Variants in RNF38 observed in about 807,000 individuals in gnomAD.
RNF38 encodes the protein E3 ubiquitin-protein ligase RNF38.
In RNF38, 15 loss-of-function variants were observed where a neutral mutation model predicts 67.2. The observed-to-expected ratio is 0.22, with a 90% CI of 0.15 to 0.34. The LOEUF is 0.34. RNF38 is among the 10% of genes least tolerant of loss of function. The pLI, the probability that RNF38 is intolerant of heterozygous loss-of-function variation, is 1.00. For missense variants in RNF38, 524 were observed against 639.9 expected (o/e 0.82, Z 1.95); for synonymous variants, 220 against 218.8 (o/e 1.01, Z -0.05).
chr9:36,462,640 C>T (rs1839759658), intron 1 of RNF38, among the ~76,000 whole-genome samples: 1 of 151,900 alleles, frequency 6.6e-6, no homozygotes, highest in Non-Finnish European at 1.5e-5. Context: ...GCTCAAATGT[C>T]ACTGCACCAA....
At chr9:36,355,047 G>C (rs1833996316) in intron 6 of RNF38, among the ~76,000 whole-genome samples, 1 of 152,198 alleles carries the variant, frequency 6.6e-6, no homozygotes. Context: ...CTGAGAAGGA[G>C]AACATCCTGG....
intron 1 of RNF38, among the ~76,000 whole-genome samples, chr9:36,442,915 C>G (rs1470401417): frequency 6.6e-6 from 1 of 152,224 alleles, no homozygotes; most frequent in South Asian, 2.1e-4. Flanking sequence ...AAGTGGCTGG[C>G]TCCTAAGCCC....
chr9:36,461,450 G>T (rs1344442016), intron 1 of RNF38, among the ~76,000 whole-genome samples: 1 of 152,206 alleles, frequency 6.6e-6, no homozygotes, highest in Non-Finnish European at 1.5e-5. Context: ...AGTGTTCTAT[G>T]CAGAGAAAAC....
chr9:36,383,675 C>A (rs1046353125), intron 2 of RNF38, among the ~76,000 whole-genome samples: 4 of 152,120 alleles, frequency 2.6e-5, no homozygotes, highest in African/African-American at 9.7e-5. Context: ...CTAATATATT[C>A]TCCTGAAATG....
upstream of RNF38, chr9:36,400,627 G>A (rs1028320240): frequency 1.0e-6 from 1 of 985,778 alleles, no homozygotes; most frequent in Non-Finnish European, 1.2e-6. Context: ...TATTGTGACT[G>A]CTCGCCCAGC....
intron 3 of RNF38, among the ~76,000 whole-genome samples, 182 bp from the exon 4 acceptor site, chr9:36,370,114 C>A (rs548397806): frequency 1.8e-4 from 28 of 152,140 alleles, no homozygotes; most frequent in African/African-American, 6.3e-4. Context: ...ATGTTTTATA[C>A]AATAATGAAA....
intron 3 of RNF38, among the ~76,000 whole-genome samples, chr9:36,371,801 T>TA (rs955665297): frequency 1.3e-5 from 2 of 152,118 alleles, no homozygotes; most frequent in Non-Finnish European, 2.9e-5. Flanking sequence ...CTGGAAATAT[T>TA]AGACATTTAG....
intron 2 of RNF38, among the ~76,000 whole-genome samples, chr9:36,412,936 G>T (rs191919855): frequency 7.0e-4 from 107 of 152,284 alleles, no homozygotes; most frequent in Middle Eastern, 3.4e-3. Context: ...GCCGGGTGTG[G>T]TGGCACATGC....
exon 1 of RNF38, chr9:36,487,469 C>T: frequency 1.0e-6 from 1 of 979,444 alleles, no homozygotes; most frequent in Non-Finnish European, 1.2e-6. Context: ...GGGGCCCGGC[C>T]TGGGAGACGA....
At chr9:36,379,014 C>T (rs546242456) in intron 2 of RNF38, among the ~76,000 whole-genome samples, 1 of 151,876 alleles carries the variant, frequency 6.6e-6, no homozygotes, top group Non-Finnish European at 1.5e-5. Flanking sequence ...GATTCTCCTG[C>T]CTCAGTCTCC....
At chr9:36,380,006 T>G (rs1045636896) in intron 2 of RNF38, among the ~76,000 whole-genome samples, 18 of 152,192 alleles carry the variant, frequency 1.2e-4, no homozygotes, top group African/African-American at 4.3e-4. Context: ...CCTAACATGA[T>G]GCAAAGTGTT....
intron 1 of RNF38, among the ~76,000 whole-genome samples, chr9:36,463,073 T>C (rs980503596): frequency 1.7e-4 from 26 of 152,134 alleles, no homozygotes; most frequent in Admixed American, 3.3e-4. Flanking sequence ...TCAAGTGATT[T>C]AAATAGCACC....
At chr9:36,376,754 C>T (rs988349979) in intron 2 of RNF38, among the ~76,000 whole-genome samples, 23 of 151,888 alleles carry the variant, frequency 1.5e-4, no homozygotes, top group African/African-American at 4.8e-4. Context: ...GGTGAAATCC[C>T]GTCTCTACTA....
intron 2 of RNF38, among the ~76,000 whole-genome samples, chr9:36,406,770 G>A (rs971936219): frequency 2.6e-5 from 4 of 152,220 alleles, no homozygotes; most frequent in Non-Finnish European, 4.4e-5. Context: ...AAGGGATGCA[G>A]AAAAAATAAA....
chr9:36,485,708 TAAGGTGC>T (rs1349151163), intron 1 of RNF38, among the ~76,000 whole-genome samples: 2 of 152,186 alleles, frequency 1.3e-5, no homozygotes, highest in Non-Finnish European at 2.9e-5. Context: ...GCAGGAAAGC[TAAGGTGC>T]AAGAGGGCAG....
intron 2 of RNF38, among the ~76,000 whole-genome samples, chr9:36,414,159 A>C (rs1316597754): frequency 6.6e-6 from 1 of 152,192 alleles, no homozygotes; most frequent in African/African-American, 2.4e-5. Context: ...AGTCTCTTGA[A>C]GACAGCAGAT....
chr9:36,462,674 T>C (rs1318883488), intron 1 of RNF38, among the ~76,000 whole-genome samples: 1 of 132,816 alleles, frequency 7.5e-6, no homozygotes, highest in Admixed American at 7.5e-5. Flanking sequence ...GACCAACTGA[T>C]TGATTTTTTT....
At chr9:36,406,067 G>A (rs937173621), upstream of RNF38, among the ~76,000 whole-genome samples, 2 of 152,130 alleles carry the variant, frequency 1.3e-5, no homozygotes, top group East Asian at 3.8e-4. Context: ...ACCTTACAGC[G>A]TTTATCAAAT....
At position 36,454,580 on chromosome 9, in the gene RNF38, C is replaced by CTTT. The variant is rs377679133; in HGVS notation, n.242-29900_242-29898dup. On this transcript the variant is annotated intron_variant and non_coding_transcript_variant, in intron 1 of 3. Transcript: ENST00000488058. The stretch of plus-strand genomic sequence containing the variant: ...AAAATATCAATTATACATTAATTTA[C>CTTT]TTTTTTTTTTTTTTTTTTTTGAGAC... Among the ~76,000 whole-genome samples the CTTT allele has an allele frequency of 1.3e-3, 145 of 112,440 alleles. 3 individuals are homozygous for CTTT. Among genetic ancestry groups the CTTT allele is most frequent in the Middle Eastern group, 6.0e-3 (1 of 168 alleles). The allele number at this position is 112,440 out of a possible 152,430, so 73.8% of individuals were successfully genotyped here.
Sources: gnomAD v4.1 joint callset for allele counts (sites outside exome capture counted in the v4.1 genomes callset) on GRCh38, gnomAD v4.1.1 for gene constraint, MANE v1.5 for transcripts, NCBI Gene and HGNC (gene_info 2026-07-23, HGNC 2026-07-21) for gene names.